Variants in C4orf51 observed in about 807,000 individuals in gnomAD.
C4orf51 encodes uncharacterized protein C4orf51.
In C4orf51, 25 loss-of-function variants were observed where a neutral mutation model predicts 25.2. That is an observed-to-expected ratio of 0.99 (90% CI 0.72 to 1.39). C4orf51 has a LOEUF of 1.39. Among genes scored for constraint, C4orf51 ranks in the 40% most tolerant of loss-of-function variants. The pLI, the probability that C4orf51 is intolerant of heterozygous loss-of-function variation, is 0.00. For synonymous variants in C4orf51, 100 were observed against 84.5 expected, an observed-to-expected ratio of 1.18 and a Z score of -1.01; for missense variants, 252 against 239.6, an observed-to-expected ratio of 1.05 and a Z score of -0.34.
At chr4:145,775,824 T>G, downstream of C4orf51, 1 of 1,614,196 alleles carries the variant, frequency 6.2e-7, no homozygotes, top group Non-Finnish European at 8.5e-7. Flanking sequence ...CATCACTGCC[T>G]TCAGAGGTGA....
At chr4:145,741,436 A>C (rs1318585965) in intron 1 of C4orf51, among the ~76,000 whole-genome samples, 1 of 152,160 alleles carries the variant, frequency 6.6e-6, no homozygotes. Flanking sequence ...TATTTGGCTA[A>C]CAGAAACTGG....
chr4:145,778,776 C>G, the C4orf51 span, among the ~76,000 whole-genome samples: 3 of 152,144 alleles, frequency 2.0e-5, no homozygotes, highest in African/African-American at 7.2e-5. Flanking sequence ...AACCTGATTT[C>G]AGTGTAAAAA....
At position 145,761,793 on chromosome 4, in the gene C4orf51, C is replaced by T. The variant is rs766361156; in HGVS notation, n.167-9195C>T. On this transcript the variant is annotated intron_variant and non_coding_transcript_variant, in intron 1 of 1. Coordinates refer to the C4orf51 transcript ENST00000510096. The surrounding 1 kb of genome is among the most constrained non-coding windows in gnomAD (Gnocchi z 6.8). Reference sequence around the variant, plus strand: ...CTCTCCCTGCTGACAGAGCAGTCCCCGCTGACAAGCAGCTCTGGCAAGGTC... The same window carrying T: ...CTCTCCCTGCTGACAGAGCAGTCCCTGCTGACAAGCAGCTCTGGCAAGGTC... 2.0e-5 allele frequency among the ~76,000 whole-genome samples: 3 copies of T among 152,160 alleles called. No homozygotes were observed. Among genetic ancestry groups the T allele is most frequent in the Non-Finnish European group, 2.9e-5 (2 of 68,012 alleles).
At chr4:145,688,302 C>T (rs147471877) in intron 1 of C4orf51, among the ~76,000 whole-genome samples, 27 of 151,474 alleles carry the variant, frequency 1.8e-4, no homozygotes, top group African/African-American at 5.3e-4. Context: ...CTCAGAAAAC[C>T]AGAAGACATT....
intron 2 of C4orf51, among the ~76,000 whole-genome samples, chr4:145,697,046 A>C (rs903521663): frequency 1.7e-4 from 17 of 101,048 alleles, no homozygotes; most frequent in Admixed American, 9.8e-4. Flanking sequence ...AAAACAAAAC[A>C]AAACCAACCA....
At chr4:145,742,395 C>T (rs1733146627) in intron 1 of C4orf51, among the ~76,000 whole-genome samples, 3 of 152,158 alleles carry the variant, frequency 2.0e-5, no homozygotes, top group Admixed American at 2.0e-4. Context: ...GCTGCTGCTG[C>T]TGTTTCTTCC....
intron 1 of C4orf51, among the ~76,000 whole-genome samples, chr4:145,695,231 G>A (rs902103523): frequency 2.0e-5 from 3 of 152,138 alleles, no homozygotes; most frequent in African/African-American, 4.8e-5. Context: ...TCTTTTCTCT[G>A]CAACCTTGCC....
intron 1 of C4orf51, among the ~76,000 whole-genome samples, chr4:145,739,411 G>A (rs781486821): frequency 1.2e-4 from 18 of 152,344 alleles, no homozygotes; most frequent in Non-Finnish European, 2.2e-4. Flanking sequence ...ACCCATAGAA[G>A]TTAATGTGTG....
intron 2 of C4orf51, among the ~76,000 whole-genome samples, chr4:145,709,079 A>G (rs1730992758): frequency 6.6e-6 from 1 of 152,218 alleles, no homozygotes; most frequent in Admixed American, 6.5e-5. Flanking sequence ...TCACAAAAAC[A>G]GCAACCCTTG....
Position 145,711,608 on chromosome 4 carries a change from C to T in C4orf51, c.307+14976C>T, listed in dbSNP as rs145336948. On this transcript the variant is annotated intron_variant, in intron 2 of 5. Coordinates refer to ENST00000438731, the MANE Select transcript of C4orf51 (RefSeq NM_001080531.3). ...TAGCCTTTCCTCATTTCTTTTCATTCATTTTTTTCTTCTTTCTCCTCTGAT... is the reference window on the plus strand; with the variant it reads ...TAGCCTTTCCTCATTTCTTTTCATTTATTTTTTTCTTCTTTCTCCTCTGAT... Among the ~76,000 whole-genome samples the T allele has an allele frequency of 1.1e-3, 162 of 152,066 alleles. 2 individuals are homozygous for T. The East Asian group carries it at 0.026, about 24-fold the overall frequency.
Position 145,763,073 on chromosome 4 carries a change from GC to G in C4orf51, n.167-7913del, listed in dbSNP as rs1005744372. 13 of 1,535,312 alleles carry G rather than the reference GC, an allele frequency of 8.5e-6. No homozygotes were observed. In the African/African-American group the frequency reaches 1.8e-4, roughly 21 times the overall value. On this transcript the variant is annotated intron_variant and non_coding_transcript_variant, in intron 1 of 1. Transcript: ENST00000510096. This position sits in a 1 kb window ranked among gnomAD's most constrained non-coding sequence, Gnocchi z 4.6. ...GGTCAGGTGCACACACAACCCCTAC[GC>G]CAAGCTGGGCCTTACCTAGAGGAGT...
rs1194140643 is a variant in C4orf51, at chr4:145,765,984, A to C, written n.167-5004A>C. On this transcript the variant is annotated intron_variant and non_coding_transcript_variant, in intron 1 of 1. Transcript: ENST00000510096. The surrounding 1 kb of genome is among the most constrained non-coding windows in gnomAD (Gnocchi z 4.7). ...TTTATTAAGGTCTTACATGAATTAA[A>C]ATAAAACGACAGTAATAGCTAAGAC... Among the ~76,000 whole-genome samples, 1 of 152,212 alleles carries C rather than the reference A, an allele frequency of 6.6e-6. No homozygotes were observed. The highest frequency in any genetic ancestry group is 2.4e-5 in the African/African-American group (1 of 41,466).
chr4:145,729,491 C>T lies in C4orf51; in HGVS notation c.427+262C>T, dbSNP rs535103804. Among the ~76,000 whole-genome samples, 1,011 of 151,908 alleles carry T rather than the reference C, an allele frequency of 6.7e-3. 14 individuals are homozygous for T. Among genetic ancestry groups the T allele is most frequent in the African/African-American group, 0.023 (957 of 41,406 alleles). ...TAATTTTTTGTATTTTTAGTAGAGA[C>T]GGGGTTTCACCGTGTTAGCCAGGAT... On this transcript the variant is annotated intron_variant, in intron 4 of 5. Transcript: ENST00000438731.
At chr4:145,734,107 C>A (rs1732665734), downstream of C4orf51, among the ~76,000 whole-genome samples, 1 of 152,202 alleles carries the variant, frequency 6.6e-6, no homozygotes, top group African/African-American at 2.4e-5. Context: ...CACACAAGTT[C>A]AATTTGACCA....
At chr4:145,710,635 A>G (rs1319089871) in intron 2 of C4orf51, among the ~76,000 whole-genome samples, 2 of 152,120 alleles carry the variant, frequency 1.3e-5, no homozygotes, top group Non-Finnish European at 2.9e-5. Context: ...CATCTCCTGA[A>G]ATCTTATCAG....
chr4:145,722,968 A>G (rs1731825803), intron 2 of C4orf51, among the ~76,000 whole-genome samples: 1 of 152,210 alleles, frequency 6.6e-6, no homozygotes. Flanking sequence ...AATTACAGGA[A>G]AACAAGCTAG....
chr4:145,780,897 C>T, the C4orf51 span, among the ~76,000 whole-genome samples: 1 of 152,208 alleles, frequency 6.6e-6, no homozygotes, highest in Non-Finnish European at 1.5e-5. Flanking sequence ...TCCTAATCCA[C>T]GCAGATGAAA....
At chr4:145,731,469 A>G (rs1732457463) in intron 5 of C4orf51, among the ~76,000 whole-genome samples, 1 of 151,806 alleles carries the variant, frequency 6.6e-6, no homozygotes, top group Non-Finnish European at 1.5e-5. Flanking sequence ...CACACACCAC[A>G]CAATTAATAT....
At chr4:145,699,943 C>T (rs11938676) in intron 2 of C4orf51, among the ~76,000 whole-genome samples, 88,309 of 151,190 alleles carry the variant, frequency 0.58, 26,243 homozygotes, top group African/African-American at 0.69. Flanking sequence ...GAGGGGCAAG[C>T]ACCCCTCAAC....
Sources: gnomAD v4.1 joint callset for allele counts (sites outside exome capture counted in the v4.1 genomes callset) on GRCh38, gnomAD v4.1.1 for gene constraint, Gnocchi (gnomAD v3.1) non-coding constraint, MANE v1.5 for transcripts, NCBI Gene and HGNC (gene_info 2026-07-23, HGNC 2026-07-21) for gene names.